PHACTR2: variants seen among roughly 807,000 people sequenced by gnomAD.
PHACTR2 encodes chromosome 6 open reading frame 56.
A neutral mutation model predicts 76.0 loss-of-function variants in PHACTR2; 30 were observed. The ratio of observed to expected loss-of-function variants is 0.39; its 90% CI spans 0.30 to 0.54. The LOEUF (loss-of-function observed/expected upper bound fraction) is 0.54. Ranked by LOEUF, PHACTR2 falls within the 20% of genes least tolerant of loss-of-function variation. The pLI is 0.61. For missense variants in PHACTR2, 696 were observed against 781.1 expected, an observed-to-expected ratio of 0.89 and a Z score of 1.30; for synonymous variants, 292 against 292.5, an observed-to-expected ratio of 1.00 and a Z score of 0.02.
At chr6:143,735,648 C>T (rs1040079548) in intron 2 of PHACTR2, among the ~76,000 whole-genome samples, 5 of 149,756 alleles carry the variant, frequency 3.3e-5, no homozygotes, top group South Asian at 2.2e-4. Context: ...TCAGATGAAT[C>T]AAATGCAAAA....
At position 143,553,005 on chromosome 6, in the gene PHACTR2, T is replaced by C. The variant is rs1025439389; in HGVS notation, c.217+15798T>C. ...TCTCTGATGTCCAGCTGCCTGTCACTTGCCAGGTATTTAAGGAGTGAAATG... is the reference window on the plus strand; with the variant it reads ...TCTCTGATGTCCAGCTGCCTGTCACCTGCCAGGTATTTAAGGAGTGAAATG... On this transcript the variant is annotated intron_variant, in intron 1 of 11. Coordinates refer to the PHACTR2 transcript ENST00000367584. The surrounding 1 kb of genome is among the most constrained non-coding windows in gnomAD (Gnocchi z 4.2). 6.6e-6 allele frequency among the ~76,000 whole-genome samples: 1 copy of C among 152,032 alleles called. No individual in the cohort carries two copies. The highest frequency in any genetic ancestry group is 1.5e-5 in the Non-Finnish European group (1 of 68,030).
intron 12 of PHACTR2, among the ~76,000 whole-genome samples, chr6:143,814,403 T>A (rs1269678614): frequency 2.0e-5 from 3 of 152,032 alleles, no homozygotes; most frequent in Admixed American, 2.0e-4. Flanking sequence ...TTAGGTGGAA[T>A]TGGATAATCA....
upstream of PHACTR2, among the ~76,000 whole-genome samples, chr6:143,607,159 A>C (rs1343375787): frequency 6.9e-6 from 1 of 145,482 alleles, no homozygotes; most frequent in Admixed American, 6.7e-5. Context: ...GGGATATAAC[A>C]CTATGAACTG....
chr6:143,819,239 C>T lies in PHACTR2; in HGVS notation c.1923-4435C>T, dbSNP rs1320396311. On this transcript the variant is annotated intron_variant, in intron 12 of 12. Coordinates refer to ENST00000440869, the MANE Select transcript of PHACTR2 (RefSeq NM_001100164.2). This position sits in a 1 kb window ranked among gnomAD's most constrained non-coding sequence, Gnocchi z 5.0. ...GAGTTTAGGACCTGTCTCATAAGGT[C>T]CTCAGGTGGTTATGTTCCAGTAGAG... is the stretch of plus-strand genomic sequence containing the variant. 2.0e-5 allele frequency among the ~76,000 whole-genome samples: 3 copies of T among 152,178 alleles called. No homozygotes were observed. The East Asian group carries it at 5.8e-4, about 29-fold the overall frequency.
At position 143,818,575 on chromosome 6, in the gene PHACTR2, T is replaced by A. The variant is rs1476921058; in HGVS notation, c.1923-5099T>A. Among the ~76,000 whole-genome samples, 1 of 152,170 alleles carries A rather than the reference T, an allele frequency of 6.6e-6. No homozygotes were observed. The highest frequency in any genetic ancestry group is 2.4e-5 in the African/African-American group (1 of 41,426). Reference sequence around the variant, plus strand: ...TAAGGACATACCCGAGACTGGGTAATTTATAAAGGAAAGAGATTTAATTGA... The same window carrying A: ...TAAGGACATACCCGAGACTGGGTAAATTATAAAGGAAAGAGATTTAATTGA... On this transcript the variant is annotated intron_variant, in intron 12 of 12. Coordinates refer to ENST00000440869, the MANE Select transcript of PHACTR2 (RefSeq NM_001100164.2). The surrounding 1 kb of genome is among the most constrained non-coding windows in gnomAD (Gnocchi z 4.9).
chr6:143,678,099 C>T lies in PHACTR2; in HGVS notation c.-65C>T, dbSNP rs973656910. 1.3e-6 allele frequency: 2 copies of T among 1,544,376 alleles called. No homozygotes were observed. Among genetic ancestry groups the T allele is most frequent in the African/African-American group, 2.8e-5 (2 of 72,344 alleles). Reference sequence around the variant, plus strand: ...GAACGCCTGGAAGTCTGGCTGGGAGCGGACCCATGATCGAAGGACCAAAGG... The same window carrying T: ...GAACGCCTGGAAGTCTGGCTGGGAGTGGACCCATGATCGAAGGACCAAAGG... On this transcript the variant is annotated 5_prime_UTR_variant, in exon 1 of 13. Transcript: ENST00000440869. The surrounding 1 kb of genome is among the most constrained non-coding windows in gnomAD (Gnocchi z 6.2).
At position 143,678,500 on chromosome 6, in the gene PHACTR2, A is replaced by G. The variant is rs1777307903; in HGVS notation, c.46+291A>G. 6.6e-6 allele frequency among the ~76,000 whole-genome samples: 1 copy of G among 152,202 alleles called. No individual in the cohort carries two copies. Among genetic ancestry groups the G allele is most frequent in the Non-Finnish European group, 1.5e-5 (1 of 68,034 alleles). On this transcript the variant is annotated intron_variant, in intron 1 of 12. Transcript: ENST00000440869. This position sits in a 1 kb window ranked among gnomAD's most constrained non-coding sequence, Gnocchi z 6.2. ...GAGCCAGAAACTTACGGGAAACGCC[A>G]TTTGCGTATTACAGTGTTTTTAAAA...
rs1392907079 is a variant in PHACTR2, at chr6:143,537,305, C to T, written c.217+98C>T. 7.5e-6 allele frequency: 1 copy of T among 133,864 alleles called. No individual in the cohort carries two copies. The highest frequency in any genetic ancestry group is 2.4e-4 in the East Asian group (1 of 4,196). The allele number at this position is 133,864 out of a possible 1,614,324, so 8.3% of individuals were successfully genotyped here. ...CCCGGGGCGCCCGCGGGCACTGGCCCGGCAGGCTGGCGGCGGGGTGGGGGT... is the reference window on the plus strand; with the variant it reads ...CCCGGGGCGCCCGCGGGCACTGGCCTGGCAGGCTGGCGGCGGGGTGGGGGT... On this transcript the variant is annotated intron_variant, in intron 1 of 11. Transcript: ENST00000367584. This position sits in a 1 kb window ranked among gnomAD's most constrained non-coding sequence, Gnocchi z 4.4.
At chr6:143,542,496 A>G (rs2128426447) in intron 1 of PHACTR2, among the ~76,000 whole-genome samples, 1 of 152,200 alleles carries the variant, frequency 6.6e-6, no homozygotes, top group South Asian at 2.1e-4. Context: ...GAGGCAACCA[A>G]TTCCTCTTTC....
chr6:143,666,221 G>C (rs1469992822), intron 1 of PHACTR2, among the ~76,000 whole-genome samples: 2 of 152,090 alleles, frequency 1.3e-5, no homozygotes, highest in Non-Finnish European at 2.9e-5. Context: ...CCTTTTTTAT[G>C]GCTGCATAGT....
intron 6 of PHACTR2, among the ~76,000 whole-genome samples, chr6:143,771,770 T>C (rs1024271137): frequency 2.0e-5 from 3 of 152,182 alleles, no homozygotes; most frequent in Non-Finnish European, 4.4e-5. Context: ...CTTTTCTACG[T>C]CATTACCTTC....
intron 1 of PHACTR2, among the ~76,000 whole-genome samples, chr6:143,669,229 C>T (rs1242847842): frequency 1.3e-5 from 2 of 152,154 alleles, no homozygotes; most frequent in Admixed American, 6.5e-5. Flanking sequence ...GCACTGTGTT[C>T]TGAGAGACAG....
rs1244840715 is a variant in PHACTR2, at chr6:143,680,983, C to A, written c.46+2774C>A. 6.6e-6 allele frequency among the ~76,000 whole-genome samples: 1 copy of A among 152,066 alleles called. No individual in the cohort carries two copies. The highest frequency in any genetic ancestry group is 1.9e-4 in the East Asian group (1 of 5,192). Reference sequence around the variant, plus strand: ...ATAATATTCTACTGTATGAATATGCCACATTTTATTTATCCATTTATCAGT... The same window carrying A: ...ATAATATTCTACTGTATGAATATGCAACATTTTATTTATCCATTTATCAGT... On this transcript the variant is annotated intron_variant, in intron 1 of 12. Transcript: ENST00000440869. This position sits in a 1 kb window ranked among gnomAD's most constrained non-coding sequence, Gnocchi z 4.5.
chr6:143,807,068 GA>G lies in PHACTR2; in HGVS notation c.1860del (p.Glu621AsnfsTer2). ...LTPADKAAIR[K>X]ELNEFKSTEM... ...TTTTTCCTGTTTAGGCAGCAATAAGGAAAGAACTAAATGAATTTAAAAGCAC... is the reference window on the plus strand; with the variant it reads ...TTTTTCCTGTTTAGGCAGCAATAAGGAAGAACTAAATGAATTTAAAAGCAC... On this transcript the variant is annotated frameshift_variant, in exon 12 of 13. Coordinates refer to ENST00000440869, the MANE Select transcript of PHACTR2 (RefSeq NM_001100164.2). LOFTEE classifies it high-confidence loss of function. The surrounding 1 kb of genome is among the most constrained non-coding windows in gnomAD (Gnocchi z 5.5). The G allele has an allele frequency of 6.3e-7, 1 of 1,596,364 alleles. No homozygotes were observed. The highest frequency in any genetic ancestry group is 8.6e-7 in the Non-Finnish European group (1 of 1,165,300).
chr6:143,805,920 T>C (rs934593956), intron 11 of PHACTR2, among the ~76,000 whole-genome samples: 5 of 152,230 alleles, frequency 3.3e-5, no homozygotes, highest in African/African-American at 1.2e-4. Context: ...GCTTTTTTTC[T>C]GTCTGTTCCC....
rs1776394066 is a variant in PHACTR2 at position 143,633,140 on chromosome 6, G to A, written c.13+24818G>A. On this transcript the variant is annotated intron_variant, in intron 1 of 11. Transcript: ENST00000305766. The surrounding 1 kb of genome is among the most constrained non-coding windows in gnomAD (Gnocchi z 4.1). ...TTAAATACCAAGGCGTGCAATTGCT[G>A]AATCATAGGGTGAGAGTATATTTAG... Among the ~76,000 whole-genome samples, 1 of 152,210 alleles carries A rather than the reference G, an allele frequency of 6.6e-6. No homozygotes were observed. The highest frequency in any genetic ancestry group is 2.1e-4 in the South Asian group (1 of 4,834).
intron 1 of PHACTR2, among the ~76,000 whole-genome samples, chr6:143,612,614 C>T (rs928933991): frequency 3.8e-4 from 58 of 151,828 alleles, no homozygotes; most frequent in African/African-American, 1.3e-3. Flanking sequence ...TATATATACA[C>T]ACACACACAC....
chr6:143,628,547 T>G (rs1019551565), intron 1 of PHACTR2, among the ~76,000 whole-genome samples: 3 of 152,162 alleles, frequency 2.0e-5, no homozygotes, highest in Non-Finnish European at 4.4e-5. Context: ...CTCCTGTCTT[T>G]GCACCTTCTC....
At chr6:143,568,497 G>T (rs1196823865) in intron 1 of PHACTR2, among the ~76,000 whole-genome samples, 1 of 152,216 alleles carries the variant, frequency 6.6e-6, no homozygotes, top group Non-Finnish European at 1.5e-5. Flanking sequence ...GAGAACCTGT[G>T]TGTTCAGGCT....
Sources: gnomAD v4.1 joint callset for allele counts (sites outside exome capture counted in the v4.1 genomes callset) on GRCh38, gnomAD v4.1.1 for gene constraint, Gnocchi (gnomAD v3.1) non-coding constraint, MANE v1.5 for transcripts, NCBI Gene and HGNC (gene_info 2026-07-23, HGNC 2026-07-21) for gene names.